The following SORL1 variants were observed in gnomAD, a reference collection of about 807,000 sequenced individuals.
The protein encoded by SORL1 is sortilin related receptor 1, also known as sortilin-related receptor.
In SORL1, 127 loss-of-function variants were observed where a neutral mutation model predicts 273.7. The observed-to-expected ratio is 0.46, with a 90% CI of 0.40 to 0.54. The LOEUF is 0.54. SORL1 is among the 20% of genes least tolerant of loss of function. SORL1 has a pLI of 0.00. For missense variants in SORL1, 2,494 were observed against 2,846.1 expected (o/e 0.88, Z 2.81); for synonymous variants, 1,031 against 1,067.4 (o/e 0.97, Z 0.66).
At chr11:121,476,471 C>T (rs1020532520) in intron 2 of SORL1, among the ~76,000 whole-genome samples, 1 of 152,174 alleles carries the variant, frequency 6.6e-6, no homozygotes, top group Non-Finnish European at 1.5e-5. Flanking sequence ...GCTCTCTGTT[C>T]CCTTTCTACA....
chr11:121,600,884 T>C (rs1313929508), intron 32 of SORL1, among the ~76,000 whole-genome samples: 1 of 148,176 alleles, frequency 6.7e-6, no homozygotes, highest in Non-Finnish European at 1.5e-5. Flanking sequence ...TGTTTTTTTG[T>C]TTTAATTTAA....
chr11:121,610,655 C>T (rs1332081546), intron 38 of SORL1: 1 of 156,220 alleles, frequency 6.4e-6, no homozygotes, highest in East Asian at 1.9e-4. Context: ...CATTTTGCCA[C>T]ACGCACGTTT....
chr11:121,547,443 A>AAAAAAAAAAAAAAAAAAAAAAAC (rs1862448021), intron 14 of SORL1, among the ~76,000 whole-genome samples: 1 of 147,662 alleles, frequency 6.8e-6, no homozygotes, highest in African/African-American at 2.5e-5. Flanking sequence ...AAAAAAAAAA[A>AAAAAAAAAAAAAAAAAAAAAAAC]AATCACACAC....
chr11:121,560,346 T>G (rs1002102444), intron 21 of SORL1, among the ~76,000 whole-genome samples: 4 of 152,236 alleles, frequency 2.6e-5, no homozygotes, highest in Non-Finnish European at 5.9e-5. Context: ...CTTCAAGAAC[T>G]GCTATGAGGC....
At chr11:121,604,438 C>A in intron 33 of SORL1, 114 bp downstream of exon 33, 1 of 1,337,548 alleles carries the variant, frequency 7.5e-7, no homozygotes, top group Non-Finnish European at 1.0e-6. Flanking sequence ...GTTGCTCAAT[C>A]TAAGGATAAA....
intron 3 of SORL1, among the ~76,000 whole-genome samples, chr11:121,484,448 G>C (rs1861442139): frequency 2.0e-5 from 3 of 152,132 alleles, no homozygotes; most frequent in African/African-American, 7.2e-5. Context: ...CACATATTTT[G>C]AGAAAGATTT....
At chr11:121,496,785 A>C (rs1357002232) in intron 5 of SORL1, 84 bp from the exon 6 acceptor site, 2 of 1,128,082 alleles carry the variant, frequency 1.8e-6, no homozygotes, top group African/African-American at 1.6e-5. Context: ...CCTAAACTCT[A>C]GTTGATTATC....
At chr11:121,584,877 A>G (rs895997229) in intron 26 of SORL1, among the ~76,000 whole-genome samples, 1 of 152,252 alleles carries the variant, frequency 6.6e-6, no homozygotes, top group Non-Finnish European at 1.5e-5. Context: ...TATAGGCACG[A>G]GCCACTGCGC....
chr11:121,604,542 G>C (rs1863441001), intron 33 of SORL1, among the ~76,000 whole-genome samples: 1 of 140,970 alleles, frequency 7.1e-6, no homozygotes, highest in Non-Finnish European at 1.6e-5. Context: ...TTAGTGAAAT[G>C]CTAGTCTTGG....
At chr11:121,541,456 T>C (rs1325336698) in intron 12 of SORL1, among the ~76,000 whole-genome samples, 8 of 152,210 alleles carry the variant, frequency 5.3e-5, no homozygotes, top group Non-Finnish European at 1.0e-4. Context: ...AAGATCCTTC[T>C]GCCTTGGCCT....
intron 3 of SORL1, among the ~76,000 whole-genome samples, chr11:121,482,604 C>G (rs1190411372): frequency 2.0e-5 from 3 of 152,190 alleles, no homozygotes; most frequent in Non-Finnish European, 2.9e-5. Flanking sequence ...GCCTTTGTCC[C>G]CTGGAAGGCA....
chr11:121,556,018 C>T (rs1302187865), intron 18 of SORL1, among the ~76,000 whole-genome samples: 5 of 152,174 alleles, frequency 3.3e-5, no homozygotes, highest in African/African-American at 4.8e-5. Flanking sequence ...AGACGAAAGA[C>T]ACAGACTCGA....
chr11:121,626,891 C>T (rs748031855), intron 46 of SORL1: 2 of 152,634 alleles, frequency 1.3e-5, no homozygotes, highest in Non-Finnish European at 2.9e-5. Flanking sequence ...AGTGAATCAT[C>T]ACAGAGCCTG....
At chr11:121,484,749 G>T (rs1026023467) in intron 3 of SORL1, among the ~76,000 whole-genome samples, 1 of 152,094 alleles carries the variant, frequency 6.6e-6, no homozygotes, top group Non-Finnish European at 1.5e-5. Flanking sequence ...TGAAAGTCAT[G>T]CCATGCTTCT....
chr11:121,572,581 T>C (rs1402762657), intron 23 of SORL1, among the ~76,000 whole-genome samples: 1 of 151,664 alleles, frequency 6.6e-6, no homozygotes, highest in East Asian at 1.9e-4. Flanking sequence ...ATCAAGGAGG[T>C]TGCGTGTGGA....
intron 22 of SORL1, among the ~76,000 whole-genome samples, chr11:121,569,543 C>T (rs1301752909): frequency 6.6e-6 from 1 of 152,146 alleles, no homozygotes; most frequent in East Asian, 1.9e-4. Flanking sequence ...ATGGTCGAAG[C>T]TGTAGGGATG....
chr11:121,587,982 G>C (rs1863144665), intron 27 of SORL1, 38 bp from the exon 28 acceptor site: 1 of 1,608,970 alleles, frequency 6.2e-7, no homozygotes, highest in African/African-American at 1.3e-5. Context: ...GCCAGCCGCA[G>C]TGCTCATGGC....
intron 6 of SORL1, among the ~76,000 whole-genome samples, chr11:121,501,890 T>G (rs1261593409): frequency 2.0e-5 from 3 of 152,234 alleles, no homozygotes; most frequent in Non-Finnish European, 4.4e-5. Flanking sequence ...GTTTCATTTA[T>G]GTTGTAGCAT....
chr11:121,532,470 C>G lies in SORL1; in HGVS notation c.1603C>G (p.Pro535Ala). ...ATGGATTTTTCCTCTTCAGGCACTT[C>G]CTGGACCTCACTACTACACATGGGG... is the stretch of plus-strand genomic sequence containing the variant. ...SAGARWREAL[P>A]GPHYYTWGDH... is the part of the protein sequence containing the mutation. Residue 535 changes from proline (P) to alanine (A), a missense_variant, in exon 12 of 48, where the codon CCT becomes GCT. Pro to Ala is a conservative substitution (Grantham distance 27). Transcript: ENST00000260197. The G allele has an allele frequency of 2.5e-6, 4 of 1,614,096 alleles. No individual in the cohort carries two copies. The highest frequency in any genetic ancestry group is 3.4e-6 in the Non-Finnish European group (4 of 1,179,974).
Sources: gnomAD v4.1 joint callset for allele counts (sites outside exome capture counted in the v4.1 genomes callset) on GRCh38, gnomAD v4.1.1 for gene constraint, MANE v1.5 for transcripts, NCBI Gene and HGNC (gene_info 2026-07-23, HGNC 2026-07-21) for gene names.